Variants in SCN8A observed in about 807,000 individuals in gnomAD.
SCN8A encodes sodium voltage-gated channel alpha subunit 8.
In SCN8A, 30 loss-of-function variants were observed where a neutral mutation model predicts 184.1. The observed-to-expected ratio is 0.16, with a 90% CI of 0.12 to 0.22. The LOEUF (loss-of-function observed/expected upper bound fraction) is 0.22, where lower values mean the gene tolerates loss of function less well. SCN8A is among the 10% of genes least tolerant of loss of function. SCN8A has a pLI of 1.00. For missense variants in SCN8A, 1,057 were observed against 2,498.9 expected (o/e 0.42, Z 12.30); for synonymous variants, 852 against 907.0 (o/e 0.94, Z 1.09).
intron 1 of SCN8A, among the ~76,000 whole-genome samples, chr12:51,656,635 A>T (rs576654273): frequency 1.3e-5 from 2 of 152,332 alleles, no homozygotes; most frequent in South Asian, 4.1e-4. Flanking sequence ...GACTTAAATC[A>T]GCACTTCACA....
chr12:51,746,933 G>C (rs1156691171), intron 13 of SCN8A, among the ~76,000 whole-genome samples: 2 of 152,168 alleles, frequency 1.3e-5, no homozygotes. Context: ...TGTAGATCTA[G>C]ACTATTCTTG....
At chr12:51,645,277 C>T (rs998293913) in intron 1 of SCN8A, among the ~76,000 whole-genome samples, 2 of 149,200 alleles carry the variant, frequency 1.3e-5, no homozygotes, top group African/African-American at 5.0e-5. Context: ...GCCGCCCCTA[C>T]TGGGAAGTGA....
At chr12:51,768,747 A>G in intron 16 of SCN8A, 118 bp from the exon 17 acceptor site, 2 of 777,356 alleles carry the variant, frequency 2.6e-6, no homozygotes, top group Non-Finnish European at 4.0e-6. Context: ...GCCAAACACA[A>G]CACAACAGAG....
At chr12:51,679,076 C>CAAAA (rs1244058171) in intron 2 of SCN8A, among the ~76,000 whole-genome samples, 2 of 90,224 alleles carry the variant, frequency 2.2e-5, no homozygotes, top group African/African-American at 7.0e-5. Context: ...GCTCCGTCTC[C>CAAAA]AAAAAAAATA....
In SCN8A at chr12:51,626,284, A is replaced by T. The variant is rs188853142; in HGVS notation, c.-55+34925A>T. Among the ~76,000 whole-genome samples, 104 of 152,288 alleles carry T rather than the reference A, an allele frequency of 6.8e-4. 1 individual carries two copies. Among genetic ancestry groups the T allele is most frequent in the African/African-American group, 2.4e-3 (98 of 41,554 alleles). On this transcript the variant is annotated intron_variant, in intron 1 of 26. Coordinates refer to ENST00000627620, the MANE Select transcript of SCN8A (RefSeq NM_001330260.2). ...GAGTTAGATAAAGGAGGTGGTTCAG[A>T]GAATGGACTTTGGCTCTCGGGAGGT...
intron 1 of SCN8A, among the ~76,000 whole-genome samples, chr12:51,613,070 A>G (rs971847347): frequency 1.3e-5 from 2 of 152,252 alleles, no homozygotes; most frequent in African/African-American, 4.8e-5. Flanking sequence ...TGTGTTCACT[A>G]GGATATTGGT....
At chr12:51,662,675 T>G in intron 1 of SCN8A, 89 bp from the exon 2 acceptor site, 1 of 786,848 alleles carries the variant, frequency 1.3e-6, no homozygotes, top group South Asian at 1.9e-5. Flanking sequence ...GCAAAGGTTG[T>G]GAATTAAGGT....
intron 10 of SCN8A, among the ~76,000 whole-genome samples, 169 bp downstream of exon 10, chr12:51,705,792 A>G (rs1186444641): frequency 6.6e-6 from 1 of 152,176 alleles, no homozygotes; most frequent in Admixed American, 6.5e-5. Flanking sequence ...CAATTATTCC[A>G]TTTGTCTTAA....
chr12:51,800,942 A>ATAT (rs1425662609), intron 26 of SCN8A, among the ~76,000 whole-genome samples: 1 of 152,230 alleles, frequency 6.6e-6, no homozygotes, highest in Non-Finnish European at 1.5e-5. Context: ...TTCAAGGGGA[A>ATAT]TATTATTCTG....
intron 26 of SCN8A, among the ~76,000 whole-genome samples, chr12:51,804,214 G>A (rs1304114361): frequency 6.6e-6 from 1 of 152,178 alleles, no homozygotes; most frequent in South Asian, 2.1e-4. Context: ...ATCCCTGGAC[G>A]AATATAACTA....
intron 1 of SCN8A, among the ~76,000 whole-genome samples, chr12:51,630,999 T>C (rs1940185053): frequency 6.6e-6 from 1 of 152,230 alleles, no homozygotes; most frequent in Admixed American, 6.5e-5. Flanking sequence ...TACAAAGCCT[T>C]GCTAATGGCA....
intron 20 of SCN8A, 32 bp from the exon 21 acceptor site, chr12:51,780,617 T>TGG: frequency 1.1e-6 from 1 of 933,420 alleles, no homozygotes; most frequent in Non-Finnish European, 1.5e-6. Context: ...TTACCTTTTT[T>TGG]GTTTTTGTTT....
chr12:51,646,731 G>C (rs773804553), intron 1 of SCN8A, among the ~76,000 whole-genome samples: 95 of 152,304 alleles, frequency 6.2e-4, no homozygotes, highest in Non-Finnish European at 7.5e-4. Flanking sequence ...AAAGGGAAAG[G>C]CTCTTGTGCC....
At chr12:51,678,731 C>T (rs1446746188) in intron 2 of SCN8A, among the ~76,000 whole-genome samples, 1 of 152,170 alleles carries the variant, frequency 6.6e-6, no homozygotes, top group East Asian at 1.9e-4. Context: ...ATTCTGCACA[C>T]TTATTTAATA....
At chr12:51,633,051 T>G (rs931199458) in intron 1 of SCN8A, among the ~76,000 whole-genome samples, 3 of 152,178 alleles carry the variant, frequency 2.0e-5, no homozygotes, top group African/African-American at 7.2e-5. Flanking sequence ...GTAATATATG[T>G]GAAGTACTTT....
chr12:51,786,420 C>A, intron 21 of SCN8A, 122 bp from the exon 22 acceptor site: 1 of 1,119,672 alleles, frequency 8.9e-7, no homozygotes, highest in Non-Finnish European at 1.3e-6. Context: ...ACTCTAATTC[C>A]AAAGGGAATG....
rs1194807043 is a variant in SCN8A, at chr12:51,807,941, A to C, written c.*512A>C. 5.9e-6 allele frequency: 1 copy of C among 169,908 alleles called. No homozygotes were observed. Among genetic ancestry groups the C allele is most frequent in the Non-Finnish European group, 1.3e-5 (1 of 77,152 alleles). The allele number at this position is 169,908 out of a possible 1,614,324, so 10.5% of individuals were successfully genotyped here. The stretch of plus-strand genomic sequence containing the variant: ...TCATTTAATTGTCAGTTTCTTTGAC[A>C]TAAAGCGCATCTTCTCCACATGGGC... On this transcript the variant is annotated 3_prime_UTR_variant, in exon 27 of 27. Transcript: ENST00000627620. This position sits in a 1 kb window ranked among gnomAD's most constrained non-coding sequence, Gnocchi z 4.5.
At position 51,687,084 on chromosome 12, in the gene SCN8A, T is replaced by C; in HGVS notation, c.486-7T>C. 3 of 1,613,198 alleles carry C rather than the reference T, an allele frequency of 1.9e-6. No individual in the cohort carries two copies. Among genetic ancestry groups the C allele is most frequent in the Non-Finnish European group, 2.5e-6 (3 of 1,179,374 alleles). On this transcript the variant is annotated splice_region_variant and splice_polypyrimidine_tract_variant and intron_variant, in intron 4 of 26. Coordinates refer to ENST00000627620, the MANE Select transcript of SCN8A (RefSeq NM_001330260.2). ...AAATTACCTCAAGCTATTCATTTCT[T>C]TGACAGGTACACGTTCACAGGGATT...
At chr12:51,621,595 A>C (rs1459360592) in intron 1 of SCN8A, among the ~76,000 whole-genome samples, 1 of 152,244 alleles carries the variant, frequency 6.6e-6, no homozygotes, top group Non-Finnish European at 1.5e-5. Flanking sequence ...CATGTATATG[A>C]TGATGATTCT....
Sources: allele counts gnomAD v4.1 joint callset (sites outside exome capture counted in the v4.1 genomes callset), GRCh38; gene constraint gnomAD v4.1.1; non-coding constraint Gnocchi (gnomAD v3.1); transcripts MANE v1.5; gene names NCBI Gene and HGNC (gene_info 2026-07-23, HGNC 2026-07-21).